ZBTB7C: variants seen among roughly 807,000 people sequenced by gnomAD.
The protein encoded by ZBTB7C is zinc finger and BTB domain containing 7C, also known as zinc finger and BTB domain-containing protein 7C.
In ZBTB7C, 8 loss-of-function variants were observed where a neutral mutation model predicts 25.7. That is an observed-to-expected ratio of 0.31 (90% confidence interval 0.18 to 0.56). The LOEUF is 0.56. Among genes scored for constraint, ZBTB7C ranks in the 20% least tolerant of loss-of-function variants. The probability of loss-of-function intolerance (pLI) is 0.91; values close to 1 mark genes in which losing one functional copy is unlikely to be tolerated. For synonymous variants in ZBTB7C, 394 were observed against 369.0 expected (o/e 1.07, Z -0.78); for missense variants, 824 against 855.2 (o/e 0.96, Z 0.46).
At position 48,327,689 on chromosome 18, in the gene ZBTB7C, AT is replaced by A. The variant is rs147373162; in HGVS notation, c.-79+10484del. On this transcript the variant is annotated intron_variant, in intron 2 of 4. Transcript: ENST00000590800. ...GAGAGGGCAGGGCCCTCAGCTGAGG[AT>A]GGAGGCTTCAGCTGTGCAAACATGC... Among the ~76,000 whole-genome samples the A allele has an allele frequency of 5.4e-3, 822 of 152,254 alleles. 6 individuals are homozygous for A. Among genetic ancestry groups the A allele is most frequent in the African/African-American group, 0.019 (796 of 41,532 alleles).
intron 2 of ZBTB7C, among the ~76,000 whole-genome samples, chr18:48,302,679 A>T (rs1244090538): frequency 6.7e-6 from 1 of 149,536 alleles, no homozygotes; most frequent in Admixed American, 6.6e-5. Context: ...TTGAGTCTGA[A>T]CCTGAACTTC....
intron 2 of ZBTB7C, among the ~76,000 whole-genome samples, chr18:48,229,967 C>T (rs2043208193): frequency 6.6e-6 from 1 of 152,156 alleles, no homozygotes; most frequent in South Asian, 2.1e-4. Context: ...AGGCAGCCAC[C>T]CCCACCTCCC....
At chr18:48,319,538 T>A (rs1461781803) in intron 2 of ZBTB7C, among the ~76,000 whole-genome samples, 1 of 152,170 alleles carries the variant, frequency 6.6e-6, no homozygotes, top group Non-Finnish European at 1.5e-5. Context: ...GCATGGCACA[T>A]GCAATGGTGT....
intron 3 of ZBTB7C, among the ~76,000 whole-genome samples, chr18:48,179,357 A>G (rs1485409320): frequency 1.3e-5 from 2 of 152,186 alleles, no homozygotes; most frequent in Admixed American, 6.5e-5. Flanking sequence ...AGATGAATGC[A>G]TGTCACTTGG....
At chr18:48,145,346 G>A (rs1313128640) in intron 3 of ZBTB7C, among the ~76,000 whole-genome samples, 1 of 151,908 alleles carries the variant, frequency 6.6e-6, no homozygotes, top group East Asian at 1.9e-4. Context: ...CAGCTCCCTG[G>A]ACCCTTCAGC....
intron 2 of ZBTB7C, among the ~76,000 whole-genome samples, chr18:48,301,547 G>T (rs1364117260): frequency 6.6e-6 from 1 of 152,126 alleles, no homozygotes. Flanking sequence ...AGTGGGTATG[G>T]ACTGTGGCTC....
At chr18:48,314,339 C>T (rs1463542279) in intron 2 of ZBTB7C, among the ~76,000 whole-genome samples, 1 of 152,174 alleles carries the variant, frequency 6.6e-6, no homozygotes, top group South Asian at 2.1e-4. Flanking sequence ...GCAAAAGCAA[C>T]CTTAAGACTT....
At chr18:48,204,227 G>A (rs2042526031) in intron 2 of ZBTB7C, among the ~76,000 whole-genome samples, 1 of 152,154 alleles carries the variant, frequency 6.6e-6, no homozygotes, top group African/African-American at 2.4e-5. Context: ...CAGCAGACGT[G>A]CTGGGAGGAG....
intron 2 of ZBTB7C, among the ~76,000 whole-genome samples, chr18:48,228,057 C>T (rs1416494144): frequency 2.6e-5 from 4 of 152,162 alleles, no homozygotes; most frequent in African/African-American, 9.7e-5. Flanking sequence ...GCCGCCCCAC[C>T]TGGAGGATGC....
intron 2 of ZBTB7C, among the ~76,000 whole-genome samples, chr18:48,249,840 T>C (rs1004989288): frequency 2.0e-5 from 3 of 152,154 alleles, no homozygotes; most frequent in Non-Finnish European, 4.4e-5. Flanking sequence ...GCTGTGGAGT[T>C]TAAAGGCAAT....
At chr18:48,324,276 G>C (rs1424404402) in intron 2 of ZBTB7C, among the ~76,000 whole-genome samples, 2 of 152,166 alleles carry the variant, frequency 1.3e-5, no homozygotes, top group Non-Finnish European at 2.9e-5. Flanking sequence ...GGGTGAGCTG[G>C]AGTCAACCCG....
At chr18:48,408,108 G>A (rs1252536872) in intron 1 of ZBTB7C, among the ~76,000 whole-genome samples, 1 of 152,194 alleles carries the variant, frequency 6.6e-6, no homozygotes, top group East Asian at 1.9e-4. Context: ...GCATGGTCCA[G>A]CGAGACTTCC....
intron 2 of ZBTB7C, among the ~76,000 whole-genome samples, chr18:48,204,708 A>T (rs1477704152): frequency 6.6e-6 from 1 of 152,098 alleles, no homozygotes; most frequent in African/African-American, 2.4e-5. Context: ...TGGTTGTGTT[A>T]TGTGTTCCAT....
chr18:48,275,486 C>G (rs1403642053), intron 2 of ZBTB7C, among the ~76,000 whole-genome samples: 3 of 152,164 alleles, frequency 2.0e-5, no homozygotes, highest in African/African-American at 7.2e-5. Flanking sequence ...GGCCCAGAGT[C>G]TGATAGATTG....
intron 3 of ZBTB7C, chr18:48,072,754 G>A (rs535584558): frequency 4.8e-4 from 73 of 152,380 alleles, no homozygotes; most frequent in African/African-American, 1.7e-3. Context: ...GGGGAACCGA[G>A]GAAAGGTAGC....
chr18:48,344,590 G>C (rs77977657), intron 1 of ZBTB7C, among the ~76,000 whole-genome samples: 5,258 of 152,098 alleles, frequency 0.035, 223 homozygotes, highest in African/African-American at 0.095. Context: ...AGACAAAGAT[G>C]GTATAATGGA....
chr18:48,405,037 C>A (rs377557320), intron 1 of ZBTB7C, among the ~76,000 whole-genome samples: 13 of 152,160 alleles, frequency 8.5e-5, no homozygotes, highest in African/African-American at 3.1e-4. Flanking sequence ...TTCTGATGGG[C>A]GGATCAATTC....
At chr18:48,326,885 C>G (rs2144885572) in intron 2 of ZBTB7C, among the ~76,000 whole-genome samples, 2 of 152,300 alleles carry the variant, frequency 1.3e-5, no homozygotes, top group South Asian at 4.1e-4. Flanking sequence ...CATGTTTTGC[C>G]TATTCAAAAA....
chr18:48,372,855 C>T (rs954610756), intron 1 of ZBTB7C, among the ~76,000 whole-genome samples: 8 of 152,142 alleles, frequency 5.3e-5, no homozygotes, highest in African/African-American at 1.9e-4. Flanking sequence ...TTACCTCTCC[C>T]TACTCCCATC....
Sources: allele counts gnomAD v4.1 joint callset (sites outside exome capture counted in the v4.1 genomes callset), GRCh38; gene constraint gnomAD v4.1.1; transcripts MANE v1.5; gene names NCBI Gene and HGNC (gene_info 2026-07-23, HGNC 2026-07-21).